Variants in UBE2F observed in about 807,000 individuals in gnomAD.
UBE2F encodes NEDD8-conjugating enzyme UBE2F.
UBE2F carries 5 observed loss-of-function variants against 29.6 expected under a neutral mutation model. The observed-to-expected ratio is 0.17, with a 90% CI of 0.09 to 0.36. The LOEUF is 0.36. Ranked by LOEUF, UBE2F falls within the 10% of genes least tolerant of loss-of-function variation. UBE2F has a pLI of 1.00. For synonymous variants in UBE2F, 66 were observed against 81.8 expected, an observed-to-expected ratio of 0.81 and a Z score of 1.04; for missense variants, 141 against 228.5, an observed-to-expected ratio of 0.62 and a Z score of 2.47.
intron 6 of UBE2F, among the ~76,000 whole-genome samples, chr2:238,026,254 C>T (rs962295708): frequency 2.6e-5 from 4 of 152,200 alleles, no homozygotes; most frequent in African/African-American, 9.7e-5. Flanking sequence ...AAAGTAGGCA[C>T]AAAGTGTTTT....
intron 5 of UBE2F, among the ~76,000 whole-genome samples, chr2:238,021,176 CT>C (rs2064283441): frequency 6.6e-6 from 1 of 152,188 alleles, no homozygotes; most frequent in South Asian, 2.1e-4. Flanking sequence ...ACCACGTCTC[CT>C]CACATGTTGT....
At chr2:237,984,072 C>T (rs943148530) in intron 2 of UBE2F, among the ~76,000 whole-genome samples, 3 of 151,828 alleles carry the variant, frequency 2.0e-5, no homozygotes, top group Non-Finnish European at 4.4e-5. Context: ...TACTCCTCCT[C>T]TTCCTACCCC....
intron 2 of UBE2F, among the ~76,000 whole-genome samples, chr2:237,986,754 A>G (rs1190960183): frequency 6.6e-6 from 1 of 152,218 alleles, no homozygotes; most frequent in Non-Finnish European, 1.5e-5. Context: ...TCCCAACACC[A>G]TTTATTGAAG....
chr2:237,971,691 G>A (rs1349665975), intron 1 of UBE2F, among the ~76,000 whole-genome samples: 5 of 152,178 alleles, frequency 3.3e-5, no homozygotes, highest in African/African-American at 1.2e-4. Flanking sequence ...CAAGGAGGAC[G>A]ATTAATGTCA....
chr2:237,980,184 C>G (rs1412964561), intron 2 of UBE2F, among the ~76,000 whole-genome samples: 1 of 152,256 alleles, frequency 6.6e-6, no homozygotes. Context: ...GGTTGAAGGG[C>G]TCAGCAGCTC....
chr2:238,041,209 C>A, intron 9 of UBE2F, 79 bp from the exon 10 acceptor site: 1 of 1,405,886 alleles, frequency 7.1e-7, no homozygotes, highest in Non-Finnish European at 1.0e-6. Context: ...GTGGATCTGA[C>A]TTGTCCCTGA....
chr2:237,980,758 T>A (rs7588928), intron 2 of UBE2F, among the ~76,000 whole-genome samples: 2,950 of 152,250 alleles, frequency 0.019, 92 homozygotes, highest in African/African-American at 0.068. Flanking sequence ...GAGCACCCCA[T>A]GTGTGCCCAG....
intron 5 of UBE2F, 88 bp downstream of exon 5, chr2:238,016,721 C>A: frequency 9.0e-7 from 1 of 1,110,222 alleles, no homozygotes; most frequent in Non-Finnish European, 1.3e-6. Flanking sequence ...GGCCCTAGCA[C>A]TCCCCTCTGC....
At position 238,041,637 on chromosome 2, in the gene UBE2F, T is replaced by C. The variant is rs2064838467; in HGVS notation, c.*299T>C. 3.9e-6 allele frequency: 1 copy of C among 257,934 alleles called. No homozygotes were observed. The highest frequency in any genetic ancestry group is 2.2e-5 in the African/African-American group (1 of 45,166). The allele number at this position is 257,934 out of a possible 1,614,324, so 16.0% of individuals were successfully genotyped here. A position where few individuals can be genotyped will look rare whatever the true frequency, so the allele number is the denominator to read the frequency against. On this transcript the variant is annotated 3_prime_UTR_variant, in exon 10 of 10. Coordinates refer to ENST00000272930, the MANE Select transcript of UBE2F (RefSeq NM_080678.3). ...GGCTGTTGGTGAAATTCTTAAGAAG[T>C]TGTAATGAACTCAAAATTGAGGCCA...
chr2:237,973,335 AAAAGATTTT>A, intron 2 of UBE2F, 110 bp downstream of exon 2: 1 of 1,205,870 alleles, frequency 8.3e-7, no homozygotes, highest in Non-Finnish European at 1.2e-6. Flanking sequence ...ATACCTGTTT[AAAAGATTTT>A]AAAATATAAT....
At chr2:237,976,513 C>T (rs1265191437) in intron 2 of UBE2F, among the ~76,000 whole-genome samples, 1 of 152,172 alleles carries the variant, frequency 6.6e-6, no homozygotes, top group East Asian at 1.9e-4. Context: ...GTTTTGGAGG[C>T]TGGGAAGTCC....
At chr2:238,019,523 C>T (rs184279340) in intron 5 of UBE2F, among the ~76,000 whole-genome samples, 2 of 152,156 alleles carry the variant, frequency 1.3e-5, no homozygotes, top group Admixed American at 6.5e-5. Flanking sequence ...TGTACCACCA[C>T]GCCCAGCTAA....
rs140114653 is a variant in UBE2F at position 238,026,337 on chromosome 2, G to GT, written c.353+926dup. 4.6e-3 allele frequency among the ~76,000 whole-genome samples: 705 copies of GT among 152,282 alleles called. 4 individuals are homozygous for GT. Among genetic ancestry groups the GT allele is most frequent in the Middle Eastern group, 0.027 (8 of 294 alleles). The stretch of plus-strand genomic sequence containing the variant: ...AAGTCATTTCTCATGCTCAACTTCC[G>GT]TATCTCTTTTCTTTCATTCCTCTCT... On this transcript the variant is annotated intron_variant, in intron 6 of 9. Transcript: ENST00000272930.
intron 4 of UBE2F, among the ~76,000 whole-genome samples, chr2:238,000,568 C>T (rs573011649): frequency 3.3e-5 from 5 of 152,278 alleles, no homozygotes; most frequent in African/African-American, 1.2e-4. Flanking sequence ...GACCAGTGGA[C>T]GAACCTTTGT....
intron 6 of UBE2F, among the ~76,000 whole-genome samples, chr2:238,028,084 C>T (rs763359894): frequency 6.6e-6 from 1 of 152,266 alleles, no homozygotes; most frequent in African/African-American, 2.4e-5. Context: ...AGCCAAGTGT[C>T]TCTGTCTCCT....
intron 9 of UBE2F, among the ~76,000 whole-genome samples, chr2:238,037,955 T>C (rs821508): frequency 0.84 from 127,180 of 152,224 alleles, 53,238 homozygotes; most frequent in East Asian, 0.97. Flanking sequence ...GCTGAATGTT[T>C]AGCGCCTTGG....
At chr2:237,988,577 T>A (rs2063526246) in intron 3 of UBE2F, among the ~76,000 whole-genome samples, 2 of 148,868 alleles carry the variant, frequency 1.3e-5, no homozygotes, top group African/African-American at 5.0e-5. Flanking sequence ...GATTGCGCCA[T>A]TGCACTCCAG....
chr2:238,025,454 C>A lies in UBE2F; in HGVS notation c.353+42C>A. ...TTCTTTCTTCTACATTCGTGAGTGT[C>A]ATGTGCAAGCGTTGGGCTTTTAAAC... On this transcript the variant is annotated intron_variant, in intron 6 of 9. Transcript: ENST00000272930. The A allele has an allele frequency of 1.9e-6, 3 of 1,539,208 alleles. No homozygotes were observed. In the South Asian group the frequency reaches 3.4e-5, roughly 18 times the overall value.
At chr2:238,001,425 G>T (rs13403482) in intron 4 of UBE2F, among the ~76,000 whole-genome samples, 55,555 of 151,866 alleles carry the variant, frequency 0.37, 10,343 homozygotes, top group East Asian at 0.51. Context: ...GGTTTTTATT[G>T]ATATTACATA....
Sources: gnomAD v4.1 joint callset for allele counts (sites outside exome capture counted in the v4.1 genomes callset) on GRCh38, gnomAD v4.1.1 for gene constraint, MANE v1.5 for transcripts, NCBI Gene and HGNC (gene_info 2026-07-23, HGNC 2026-07-21) for gene names.